Variants in TRAF3IP1 observed in about 807,000 individuals in gnomAD.
TRAF3IP1 encodes TRAF3-interacting protein 1.
TRAF3IP1 carries 53 observed loss-of-function variants against 89.9 expected under a neutral mutation model. The ratio of observed to expected loss-of-function variants is 0.59; its 90% CI spans 0.47 to 0.74. The LOEUF (loss-of-function observed/expected upper bound fraction) is 0.74. Among genes scored for constraint, TRAF3IP1 ranks in the 30% least tolerant of loss-of-function variants. TRAF3IP1 has a pLI of 0.00. For missense variants in TRAF3IP1, 806 were observed against 866.1 expected (o/e 0.93, Z 0.87); for synonymous variants, 311 against 322.1 (o/e 0.97, Z 0.37).
chr2:238,381,143 T>TA (rs1553618756), intron 15 of TRAF3IP1, among the ~76,000 whole-genome samples: 1 of 148,802 alleles, frequency 6.7e-6, no homozygotes, highest in Non-Finnish European at 1.5e-5. Context: ...ATTTATTTAT[T>TA]TTTTTTTTTT....
At position 238,320,537 on chromosome 2, in the gene TRAF3IP1, G is replaced by A. The variant is rs570094849; in HGVS notation, c.-126G>A. On this transcript the variant is annotated 5_prime_UTR_variant, in exon 1 of 17. Coordinates refer to ENST00000373327, the MANE Select transcript of TRAF3IP1 (RefSeq NM_015650.4). ...TCCGGTGCACTGTGGGATGGAAACC[G>A]GAGCGGCGCGTCCTGGCAGGACCGG... The A allele has an allele frequency of 2.9e-6, 3 of 1,017,466 alleles. No individual in the cohort carries two copies. The highest frequency in any genetic ancestry group is 3.5e-6 in the Non-Finnish European group (3 of 850,622). The allele number at this position is 1,017,466 out of a possible 1,614,324, so 63.0% of individuals were successfully genotyped here. A position where few individuals can be genotyped will look rare whatever the true frequency, so the allele number is the denominator to read the frequency against.
chr2:238,381,282 C>T (rs1307486879), intron 15 of TRAF3IP1, among the ~76,000 whole-genome samples: 1 of 152,086 alleles, frequency 6.6e-6, no homozygotes, highest in Non-Finnish European at 1.5e-5. Context: ...GTGAGGGTTG[C>T]ACCCGCATTC....
At chr2:238,355,497 C>T (rs1699367429) in intron 14 of TRAF3IP1, among the ~76,000 whole-genome samples, 1 of 152,270 alleles carries the variant, frequency 6.6e-6, no homozygotes, top group Non-Finnish European at 1.5e-5. Context: ...CGTCGTCCTC[C>T]ACCGTGTGGA....
intron 1 of TRAF3IP1, among the ~76,000 whole-genome samples, chr2:238,321,520 G>T (rs1697545700): frequency 6.6e-6 from 1 of 152,176 alleles, no homozygotes; most frequent in African/African-American, 2.4e-5. Context: ...GTTGAGATTG[G>T]TGGTCTCTGT....
rs74387223 is a variant in TRAF3IP1 at position 238,325,028 on chromosome 2, G to A, written c.124-278G>A. ...TTCCCTGCCACTCCTGCTCCCTCCC[G>A]GATTGTGGATTAGGTACCAAGCCTG... On this transcript the variant is annotated intron_variant, in intron 1 of 16. Transcript: ENST00000373327. 4.6e-3 allele frequency among the ~76,000 whole-genome samples: 696 copies of A among 152,218 alleles called. 6 individuals are homozygous for A. The highest frequency in any genetic ancestry group is 0.016 in the African/African-American group (654 of 41,538).
chr2:238,348,761 T>G lies in TRAF3IP1; in HGVS notation c.1283-3T>G, dbSNP rs577566816. Reference sequence around the variant, plus strand: ...AATTGCTAATTGATTGTCATTTGTTTAGAAGGAGATGCTGGACCTGCTGGC... The same window carrying G: ...AATTGCTAATTGATTGTCATTTGTTGAGAAGGAGATGCTGGACCTGCTGGC... On this transcript the variant is annotated splice_polypyrimidine_tract_variant and splice_region_variant and intron_variant, in intron 10 of 16. Transcript: ENST00000373327. The G allele has an allele frequency of 6.2e-7, 1 of 1,613,826 alleles. No homozygotes were observed. Among genetic ancestry groups the G allele is most frequent in the Non-Finnish European group, 8.5e-7 (1 of 1,179,726 alleles).
chr2:238,396,279 A>G (rs1234963758), intron 15 of TRAF3IP1, among the ~76,000 whole-genome samples: 2 of 151,314 alleles, frequency 1.3e-5, no homozygotes, highest in East Asian at 3.9e-4. Flanking sequence ...TGTCGCAAGG[A>G]CAAAAAACCA....
intron 15 of TRAF3IP1, among the ~76,000 whole-genome samples, chr2:238,384,347 T>TGTAC (rs1700669885): frequency 8.1e-6 from 1 of 123,444 alleles, no homozygotes; most frequent in South Asian, 2.7e-4. Context: ...GATGTATGTA[T>TGTAC]GTATGTATGT....
At chr2:238,398,293 A>G (rs1237909936) in intron 16 of TRAF3IP1, among the ~76,000 whole-genome samples, 1 of 51,426 alleles carries the variant, frequency 1.9e-5, no homozygotes, top group South Asian at 8.5e-4. Flanking sequence ...GAGTGGGGGG[A>G]GTAATGGGGG....
At chr2:238,323,507 A>G (rs1697664956) in intron 1 of TRAF3IP1, among the ~76,000 whole-genome samples, 2 of 152,350 alleles carry the variant, frequency 1.3e-5, no homozygotes, top group South Asian at 4.1e-4. Context: ...AAACAGTAGC[A>G]TAGCTCTTAC....
At chr2:238,357,363 T>C (rs1699463398) in intron 15 of TRAF3IP1, among the ~76,000 whole-genome samples, 1 of 152,166 alleles carries the variant, frequency 6.6e-6, no homozygotes, top group Non-Finnish European at 1.5e-5. Context: ...AACTCAACAA[T>C]TTAAAAAAGT....
chr2:238,349,422 A>T lies in TRAF3IP1; in HGVS notation c.1451+14A>T, dbSNP rs747177497. The T allele has an allele frequency of 1.9e-6, 3 of 1,612,698 alleles. No individual in the cohort carries two copies. The highest frequency in any genetic ancestry group is 2.5e-6 in the Non-Finnish European group (3 of 1,179,408). On this transcript the variant is annotated intron_variant, in intron 12 of 16. Transcript: ENST00000373327. ...ACAAATGGATAGGTAAGGCTGGCTC[A>T]GCAGGGCAGTTCCAGCCACACAGTG...
chr2:238,357,430 T>C lies in TRAF3IP1; in HGVS notation c.1689+1350T>C, dbSNP rs181872389. 7.7e-4 allele frequency among the ~76,000 whole-genome samples: 117 copies of C among 152,330 alleles called. 1 individual carries two copies. In the East Asian group the frequency reaches 0.018, roughly 24 times the overall value. ...ACACACACATGCACACATATATGTA[T>C]TTCTCCCCAGCTGAATTAATGGTTG... On this transcript the variant is annotated intron_variant, in intron 15 of 16. Coordinates refer to ENST00000373327, the MANE Select transcript of TRAF3IP1 (RefSeq NM_015650.4).
At chr2:238,371,299 G>C (rs1273313223) in intron 15 of TRAF3IP1, among the ~76,000 whole-genome samples, 1 of 151,910 alleles carries the variant, frequency 6.6e-6, no homozygotes, top group South Asian at 2.1e-4. Flanking sequence ...GTTTTTTTTG[G>C]TGGGGGGAAC....
At chr2:238,354,199 A>G (rs1175852241) in intron 14 of TRAF3IP1, among the ~76,000 whole-genome samples, 1 of 152,176 alleles carries the variant, frequency 6.6e-6, no homozygotes, top group Non-Finnish European at 1.5e-5. Context: ...GGGGGCCTTT[A>G]GACACATCCC....
At chr2:238,398,639 CT>C in intron 16 of TRAF3IP1, 114 bp from the exon 17 acceptor site, 3 of 1,200,264 alleles carry the variant, frequency 2.5e-6, no homozygotes, top group Non-Finnish European at 3.4e-6. Context: ...AAATATTATC[CT>C]TTTCTTTGGA....
chr2:238,352,266 C>T (rs1380154583), intron 12 of TRAF3IP1, among the ~76,000 whole-genome samples: 5 of 152,042 alleles, frequency 3.3e-5, no homozygotes, highest in East Asian at 3.9e-4. Flanking sequence ...TTGGGTGGAG[C>T]GCAGTGTGTA....
intron 10 of TRAF3IP1, 37 bp downstream of exon 10, chr2:238,347,512 A>C (rs760069598): frequency 1.2e-6 from 2 of 1,609,624 alleles, no homozygotes; most frequent in South Asian, 2.2e-5. Context: ...TGTCATATCA[A>C]TTGTATGCAT....
intron 15 of TRAF3IP1, among the ~76,000 whole-genome samples, chr2:238,382,015 C>A (rs1700572411): frequency 6.6e-6 from 1 of 151,988 alleles, no homozygotes; most frequent in Non-Finnish European, 1.5e-5. Context: ...TTACCTGAAG[C>A]CGTAAAGAAG....
Sources: allele counts gnomAD v4.1 joint callset (sites outside exome capture counted in the v4.1 genomes callset), GRCh38; gene constraint gnomAD v4.1.1; transcripts MANE v1.5; gene names NCBI Gene and HGNC (gene_info 2026-07-23, HGNC 2026-07-21).